Variants in SYN3 observed in about 807,000 individuals in gnomAD.
The protein encoded by SYN3 is synapsin III, also known as synapsin-3.
Under a neutral mutation model 65.8 loss-of-function variants are expected in SYN3, and 35 were observed. The ratio of observed to expected loss-of-function variants is 0.53; its 90% CI spans 0.41 to 0.70. SYN3 has a LOEUF of 0.70. SYN3 is among the 30% of genes least tolerant of loss of function. SYN3 has a pLI of 0.00. For synonymous variants in SYN3, 270 were observed against 292.9 expected (o/e 0.92, Z 0.80); for missense variants, 680 against 749.0 (o/e 0.91, Z 1.08).
At chr22:32,613,428 T>C (rs886995931) in intron 6 of SYN3, among the ~76,000 whole-genome samples, 1 of 152,162 alleles carries the variant, frequency 6.6e-6, no homozygotes, top group African/African-American at 2.4e-5. Context: ...CTTCATTTTT[T>C]CAAGAGCTCT....
At chr22:32,537,070 T>C (rs1234652777) in intron 9 of SYN3, among the ~76,000 whole-genome samples, 1 of 152,188 alleles carries the variant, frequency 6.6e-6, no homozygotes, top group Non-Finnish European at 1.5e-5. Context: ...ATTGCTATTG[T>C]GTGGCTGCTA....
intron 6 of SYN3, among the ~76,000 whole-genome samples, chr22:32,759,635 C>T (rs2045395818): frequency 6.6e-6 from 1 of 150,790 alleles, no homozygotes; most frequent in Admixed American, 6.6e-5. Context: ...ACATTCCTAC[C>T]ACCCCCAGCA....
Position 32,781,184 on chromosome 22 carries a change from A to G in SYN3, c.711+83731T>C, listed in dbSNP as rs149879607. ...GGAACTACCAAGACCTGCAAGGCTCAATAGCTCGTAGTCTTGTCCAAGGTT... is the reference window on the plus strand; with the variant it reads ...GGAACTACCAAGACCTGCAAGGCTCGATAGCTCGTAGTCTTGTCCAAGGTT... On this transcript the variant is annotated intron_variant, in intron 6 of 13. Coordinates refer to ENST00000358763, the MANE Select transcript of SYN3 (RefSeq NM_003490.4). Among the ~76,000 whole-genome samples the G allele has an allele frequency of 3.1e-4, 47 of 152,040 alleles. No homozygotes were observed. In the East Asian group the frequency reaches 8.9e-3, roughly 29 times the overall value.
rs1193908787 is a variant in SYN3 at position 32,538,117 on chromosome 22, C to A, written c.918-7G>T. The A allele has an allele frequency of 6.2e-7, 1 of 1,613,840 alleles. No individual in the cohort carries two copies. The highest frequency in any genetic ancestry group is 1.3e-5 in the African/African-American group (1 of 74,920). Reference sequence around the variant, plus strand: ...CCCAGAGATGGAGGTTCTCCTGTACCAGAACAAACAACACATTGAGGGAAT... The same window carrying A: ...CCCAGAGATGGAGGTTCTCCTGTACAAGAACAAACAACACATTGAGGGAAT... On this transcript the variant is annotated splice_region_variant and splice_polypyrimidine_tract_variant and intron_variant, in intron 8 of 13. Coordinates refer to ENST00000358763, the MANE Select transcript of SYN3 (RefSeq NM_003490.4).
At chr22:33,042,843 T>G (rs146846803) in intron 1 of SYN3, among the ~76,000 whole-genome samples, 2 of 152,132 alleles carry the variant, frequency 1.3e-5, no homozygotes, top group African/African-American at 4.8e-5. Context: ...AACTGTGCCA[T>G]GATTAGCTAA....
At chr22:32,890,133 C>T (rs1343859777) in intron 4 of SYN3, among the ~76,000 whole-genome samples, 4 of 122,508 alleles carry the variant, frequency 3.3e-5, no homozygotes, top group Non-Finnish European at 6.4e-5. Context: ...AGCTGGAGTA[C>T]AGTGGAAAAA....
At position 32,866,901 on chromosome 22, in the gene SYN3, T is replaced by A. The variant is rs1036288199; in HGVS notation, c.622-1897A>T. The stretch of plus-strand genomic sequence containing the variant: ...AACTTGTTCCAGGTATCTAAGGCAG[T>A]GAAAATTTTTACCACTTATTGAGTG... On this transcript the variant is annotated intron_variant, in intron 5 of 13. Transcript: ENST00000358763. 2.0e-5 allele frequency among the ~76,000 whole-genome samples: 3 copies of A among 152,188 alleles called. No homozygotes were observed. In the East Asian group the frequency reaches 5.8e-4, roughly 29 times the overall value.
intron 4 of SYN3, among the ~76,000 whole-genome samples, chr22:32,898,798 C>T (rs1276500734): frequency 6.6e-6 from 1 of 152,174 alleles, no homozygotes; most frequent in Non-Finnish European, 1.5e-5. Context: ...TTTCCATGTC[C>T]TCAGCTATAA....
At chr22:32,604,083 A>G (rs7364201) in intron 6 of SYN3, among the ~76,000 whole-genome samples, 43,544 of 152,198 alleles carry the variant, frequency 0.29, 6,672 homozygotes, top group South Asian at 0.53. Flanking sequence ...CTCAATCCAC[A>G]GAGTCAGAGA....
chr22:32,890,814 G>T lies in SYN3; in HGVS notation c.462-21689C>A, dbSNP rs570302659. The stretch of plus-strand genomic sequence containing the variant: ...TTTATAATAACTATATATATAGAGA[G>T]AGAGAGAGCTTCCCTTGTGTCTCCT... On this transcript the variant is annotated intron_variant, in intron 4 of 13. Coordinates refer to ENST00000358763, the MANE Select transcript of SYN3 (RefSeq NM_003490.4). Among the ~76,000 whole-genome samples, 591 of 152,230 alleles carry T rather than the reference G, an allele frequency of 3.9e-3. 2 individuals are homozygous for T. The highest frequency in any genetic ancestry group is 0.019 in the South Asian group (91 of 4,812).
intron 8 of SYN3, 96 bp downstream of exon 8, chr22:32,541,475 A>G (rs1403556225): frequency 9.6e-6 from 14 of 1,463,318 alleles, no homozygotes; most frequent in Non-Finnish European, 1.3e-5. Context: ...GAAGGAGGAT[A>G]ATGATGCACC....
At chr22:32,759,101 A>G (rs1191377359) in intron 6 of SYN3, among the ~76,000 whole-genome samples, 1 of 152,120 alleles carries the variant, frequency 6.6e-6, no homozygotes, top group African/African-American at 2.4e-5. Context: ...CCCTGTATTC[A>G]GTTGTGGTCG....
rs1263275574 is a variant in SYN3 at position 32,604,568 on chromosome 22, A to AATCCC, written c.712-7833_712-7832insGGGAT. ...CCTCCCTCACACTCTTTTCTAGGCC[A>AATCCC]GTCCCGTCTCATACTCATGTCTCCG... is the stretch of plus-strand genomic sequence containing the variant. On this transcript the variant is annotated intron_variant, in intron 6 of 13. Transcript: ENST00000358763. Among the ~76,000 whole-genome samples, 368 of 114,768 alleles carry AATCCC rather than the reference A, an allele frequency of 3.2e-3. 17 individuals are homozygous for AATCCC. Among genetic ancestry groups the AATCCC allele is most frequent in the African/African-American group, 4.2e-3 (123 of 29,186 alleles). The allele number at this position is 114,768 out of a possible 152,430, so 75.3% of individuals were successfully genotyped here.
intron 4 of SYN3, among the ~76,000 whole-genome samples, chr22:32,899,758 C>A (rs532207121): frequency 6.6e-6 from 1 of 152,190 alleles, no homozygotes; most frequent in Non-Finnish European, 1.5e-5. Context: ...TTTGAGCCTT[C>A]GTTCTTTTAC....
At chr22:32,988,214 G>A (rs1372711613) in intron 2 of SYN3, among the ~76,000 whole-genome samples, 1 of 151,986 alleles carries the variant, frequency 6.6e-6, no homozygotes, top group Non-Finnish European at 1.5e-5. Flanking sequence ...GGCTGAGGCA[G>A]GAGAATTGCT....
At chr22:32,999,816 A>G (rs1257833779) in intron 2 of SYN3, among the ~76,000 whole-genome samples, 1 of 152,202 alleles carries the variant, frequency 6.6e-6, no homozygotes, top group Non-Finnish European at 1.5e-5. Context: ...CCACAGGATT[A>G]TATTAATAAA....
chr22:32,965,830 G>T (rs559052367), intron 3 of SYN3, among the ~76,000 whole-genome samples: 1 of 152,098 alleles, frequency 6.6e-6, no homozygotes, highest in African/African-American at 2.4e-5. Flanking sequence ...GAGTAGCTGG[G>T]ACTACAGGCG....
intron 6 of SYN3, chr22:32,833,844 A>T: frequency 2.0e-6 from 1 of 501,286 alleles, no homozygotes; most frequent in Non-Finnish European, 4.0e-6. Flanking sequence ...AGCATTTAGC[A>T]CTGATCATGC....
chr22:32,742,273 GTAAA>G (rs375722365), intron 6 of SYN3, among the ~76,000 whole-genome samples: 2,660 of 151,500 alleles, frequency 0.018, 34 homozygotes, highest in Non-Finnish European at 0.026. Flanking sequence ...CCATCTCAAA[GTAAA>G]TAAATAAATA....
Sources: gnomAD v4.1 joint callset for allele counts (sites outside exome capture counted in the v4.1 genomes callset) on GRCh38, gnomAD v4.1.1 for gene constraint, MANE v1.5 for transcripts, NCBI Gene and HGNC (gene_info 2026-07-23, HGNC 2026-07-21) for gene names.